The following PTGR1 variants were observed in gnomAD, a reference collection of about 807,000 sequenced individuals.
The protein encoded by PTGR1 is 15-oxoprostaglandin 13-reductase.
In PTGR1, 23 loss-of-function variants were observed where a neutral mutation model predicts 37.7. That is an observed-to-expected ratio of 0.61 (90% confidence interval 0.44 to 0.86). The LOEUF (loss-of-function observed/expected upper bound fraction) is 0.86, where lower values mean the gene tolerates loss of function less well. PTGR1 is among the 40% of genes least tolerant of loss of function. PTGR1 has a pLI of 0.00. For synonymous variants in PTGR1, 134 were observed against 140.0 expected (o/e 0.96, Z 0.30); for missense variants, 351 against 394.3 (o/e 0.89, Z 0.93).
chr9:111,553,172 T>C (rs1828021102), intron 9 of PTGR1, among the ~76,000 whole-genome samples: 1 of 152,192 alleles, frequency 6.6e-6, no homozygotes. Flanking sequence ...TATTATCTAC[T>C]ATGTATCTTT....
At chr9:111,569,244 G>C (rs1828704663) in intron 9 of PTGR1, among the ~76,000 whole-genome samples, 1 of 152,154 alleles carries the variant, frequency 6.6e-6, no homozygotes, top group South Asian at 2.1e-4. Context: ...AGCGTAGATA[G>C]AGAAGAGCAA....
downstream of PTGR1, among the ~76,000 whole-genome samples, chr9:111,559,329 TGG>T (rs1339537969): frequency 1.3e-5 from 2 of 152,112 alleles, no homozygotes; most frequent in Non-Finnish European, 2.9e-5. Flanking sequence ...CCATACTGTG[TGG>T]ACTTTGACTC....
At chr9:111,564,373 A>G (rs1828459208) in intron 9 of PTGR1, 3 of 347,494 alleles carry the variant, frequency 8.6e-6, no homozygotes, top group Non-Finnish European at 1.3e-5. Flanking sequence ...TGGCACAATC[A>G]TAGCTCACTG....
At chr9:111,559,169 C>T (rs1416179956), downstream of PTGR1, among the ~76,000 whole-genome samples, 2 of 152,132 alleles carry the variant, frequency 1.3e-5, no homozygotes, top group Admixed American at 6.5e-5. Context: ...GGGATCCAAC[C>T]GCCCATACCA....
At chr9:111,575,887 T>C (rs1829032449) in intron 7 of PTGR1, among the ~76,000 whole-genome samples, 1 of 151,718 alleles carries the variant, frequency 6.6e-6, no homozygotes, top group Non-Finnish European at 1.5e-5. Context: ...AAAAGAAAAA[T>C]AGATTAATTG....
At chr9:111,592,006 A>G (rs946280168) in intron 4 of PTGR1, among the ~76,000 whole-genome samples, 1 of 152,162 alleles carries the variant, frequency 6.6e-6, no homozygotes, top group African/African-American at 2.4e-5. Context: ...AGAAATGCAG[A>G]TTTTCATAGC....
At chr9:111,572,650 G>A (rs1341521711) in intron 8 of PTGR1, among the ~76,000 whole-genome samples, 1 of 150,330 alleles carries the variant, frequency 6.7e-6, no homozygotes, top group Non-Finnish European at 1.5e-5. Flanking sequence ...TCAGCTACTC[G>A]GGAGGCTGAG....
intron 5 of PTGR1, among the ~76,000 whole-genome samples, chr9:111,585,255 C>A (rs1829396365): frequency 1.3e-5 from 2 of 152,124 alleles, no homozygotes; most frequent in South Asian, 4.1e-4. Context: ...AATAAATTAT[C>A]TTCTCTTTCA....
chr9:111,569,877 A>AT, intron 9 of PTGR1: 1 of 686,046 alleles, frequency 1.5e-6, no homozygotes, highest in Non-Finnish European at 2.4e-6. Flanking sequence ...ATGGACCTGC[A>AT]TTTGCAGTGG....
chr9:111,559,985 C>T (rs1828227720), downstream of PTGR1, among the ~76,000 whole-genome samples: 1 of 152,138 alleles, frequency 6.6e-6, no homozygotes, highest in South Asian at 2.1e-4. Context: ...ATTTATTTAA[C>T]CCCTTATCTC....
chr9:111,561,181 G>GAGAA (rs1434743598), downstream of PTGR1, among the ~76,000 whole-genome samples: 4 of 137,782 alleles, frequency 2.9e-5, no homozygotes, highest in East Asian at 1.1e-3. Context: ...GAGAGAGAAA[G>GAGAA]AGAGAGAGAT....
At chr9:111,593,689 G>A (rs1208312031) in intron 3 of PTGR1, among the ~76,000 whole-genome samples, 1 of 152,112 alleles carries the variant, frequency 6.6e-6, no homozygotes, top group Non-Finnish European at 1.5e-5. Flanking sequence ...TTCTTTATGA[G>A]ACGGGGTCTT....
At chr9:111,571,542 C>G (rs1828821091) in intron 8 of PTGR1, among the ~76,000 whole-genome samples, 1 of 134,114 alleles carries the variant, frequency 7.5e-6, no homozygotes, top group African/African-American at 2.5e-5. Context: ...AAAGTGGTGC[C>G]ATCACTGCTC....
chr9:111,549,813 C>A (rs759731304), intron 9 of PTGR1: 13 of 1,480,028 alleles, frequency 8.8e-6, no homozygotes, highest in Non-Finnish European at 1.1e-5. Context: ...TCAACACAAT[C>A]AGAACATTTA....
chr9:111,585,556 T>C (rs976497965), intron 5 of PTGR1, among the ~76,000 whole-genome samples: 3 of 152,228 alleles, frequency 2.0e-5, no homozygotes, highest in African/African-American at 7.2e-5. Flanking sequence ...TGGGTCTAAC[T>C]GAAATTTTGT....
At position 111,589,310 on chromosome 9, in the gene PTGR1, T is replaced by C. The variant is rs1200203936; in HGVS notation, c.210-3145A>G. 4.0e-6 allele frequency: 3 copies of C among 741,944 alleles called. No homozygotes were observed. The African/African-American group carries it at 5.7e-5, about 14-fold the overall frequency. The allele number at this position is 741,944 out of a possible 1,614,324, so 46.0% of individuals were successfully genotyped here. On this transcript the variant is annotated intron_variant, in intron 4 of 9. Transcript: ENST00000407693. Reference sequence around the variant, plus strand: ...TGTAAAGATGTCAGTTTCCTCTAAATAAATCTGTAAGGTCACTGAAATTCC... The same window carrying C: ...TGTAAAGATGTCAGTTTCCTCTAAACAAATCTGTAAGGTCACTGAAATTCC...
chr9:111,578,886 AAATCCAAG>A lies in PTGR1; in HGVS notation c.553_560del (p.Leu185Ter). Reference sequence around the variant, plus strand: ...CCGTCTTGTAGTTAAAGACGACATCAAATCCAAGCTTTTGAAGGTAGGCAACCTTTTCA... The same window carrying A: ...CCGTCTTGTAGTTAAAGACGACATCACTTTTGAAGGTAGGCAACCTTTTCA... On this transcript the variant is annotated frameshift_variant, in exon 7 of 10. Coordinates refer to ENST00000407693, the MANE Select transcript of PTGR1 (RefSeq NM_001146108.2). LOFTEE classifies it high-confidence loss of function. The A allele has an allele frequency of 6.2e-7, 1 of 1,613,426 alleles. No individual in the cohort carries two copies. The highest frequency in any genetic ancestry group is 2.2e-5 in the East Asian group (1 of 44,870).
intron 9 of PTGR1, among the ~76,000 whole-genome samples, chr9:111,551,281 C>G (rs574640678): frequency 2.0e-5 from 3 of 151,624 alleles, no homozygotes; most frequent in Admixed American, 2.0e-4. Context: ...ACATAACTCA[C>G]ATTTAGATTT....
intron 9 of PTGR1, among the ~76,000 whole-genome samples, chr9:111,555,660 A>C (rs1028486298): frequency 6.6e-6 from 1 of 152,130 alleles, no homozygotes; most frequent in African/African-American, 2.4e-5. Context: ...TTCACATGGC[A>C]GCAGGGGAGA....
Sources: gnomAD v4.1 joint callset for allele counts (sites outside exome capture counted in the v4.1 genomes callset) on GRCh38, gnomAD v4.1.1 for gene constraint, MANE v1.5 for transcripts, NCBI Gene and HGNC (gene_info 2026-07-23, HGNC 2026-07-21) for gene names.